The following CNTN4 variants were observed in gnomAD, a reference collection of about 807,000 sequenced individuals.
The protein encoded by CNTN4 is contactin 4.
Under a neutral mutation model 122.5 loss-of-function variants are expected in CNTN4, and 77 were observed. That is an observed-to-expected ratio of 0.63 (90% confidence interval 0.52 to 0.76). The LOEUF (loss-of-function observed/expected upper bound fraction) is 0.76. CNTN4 is among the 30% of genes least tolerant of loss of function. The pLI, the probability that CNTN4 is intolerant of heterozygous loss-of-function variation, is 0.00. For synonymous variants in CNTN4, 512 were observed against 447.0 expected, an observed-to-expected ratio of 1.15 and a Z score of -1.83; for missense variants, 1,256 against 1,259.1, an observed-to-expected ratio of 1.00 and a Z score of 0.04.
chr3:2,507,102 A>G (rs564734679), intron 3 of CNTN4, among the ~76,000 whole-genome samples: 1 of 152,330 alleles, frequency 6.6e-6, no homozygotes, highest in South Asian at 2.1e-4. Flanking sequence ...TACTGCAGCT[A>G]TATGTAGAGC....
intron 13 of CNTN4, among the ~76,000 whole-genome samples, chr3:2,950,053 A>G (rs4684372): frequency 0.25 from 38,793 of 152,228 alleles, 5,487 homozygotes; most frequent in Middle Eastern, 0.42. Context: ...AGATGTTTGC[A>G]TCCAGCTTAA....
chr3:2,838,158 C>T (rs1377634997), intron 7 of CNTN4, among the ~76,000 whole-genome samples: 1 of 152,168 alleles, frequency 6.6e-6, no homozygotes, highest in East Asian at 1.9e-4. Context: ...TGTGACCTCT[C>T]TGGTTTGAAT....
chr3:2,355,244 T>G (rs1477596901), intron 3 of CNTN4, among the ~76,000 whole-genome samples: 1 of 152,200 alleles, frequency 6.6e-6, no homozygotes, highest in Non-Finnish European at 1.5e-5. Flanking sequence ...AGTAAAGAAC[T>G]AGAGATATTT....
intron 6 of CNTN4, among the ~76,000 whole-genome samples, chr3:2,749,140 C>A (rs1254555756): frequency 6.6e-6 from 1 of 151,954 alleles, no homozygotes; most frequent in Admixed American, 6.6e-5. Flanking sequence ...ATAACAGTAT[C>A]TTCTATTTCA....
intron 3 of CNTN4, among the ~76,000 whole-genome samples, chr3:2,347,242 C>G (rs753166568): frequency 6.6e-6 from 1 of 152,046 alleles, no homozygotes; most frequent in African/African-American, 2.4e-5. Context: ...GGAGCTCTGT[C>G]TTGGTGGAGG....
chr3:2,976,690 A>G (rs1203918570), intron 13 of CNTN4, among the ~76,000 whole-genome samples: 1 of 152,214 alleles, frequency 6.6e-6, no homozygotes, highest in Admixed American at 6.5e-5. Flanking sequence ...TGCAATTACC[A>G]CAAAACAATC....
intron 7 of CNTN4, among the ~76,000 whole-genome samples, chr3:2,823,836 G>T (rs1576943318): frequency 6.6e-6 from 1 of 152,242 alleles, no homozygotes; most frequent in South Asian, 2.1e-4. Context: ...ATGTCACCAA[G>T]ATGCTTGCGA....
At chr3:2,217,162 A>G (rs1190444899) in intron 2 of CNTN4, among the ~76,000 whole-genome samples, 1 of 152,070 alleles carries the variant, frequency 6.6e-6, no homozygotes, top group Non-Finnish European at 1.5e-5. Context: ...ACTTTGATTG[A>G]TGCTCCTGGG....
chr3:2,266,523 G>A (rs908977573), intron 2 of CNTN4, among the ~76,000 whole-genome samples: 8 of 151,968 alleles, frequency 5.3e-5, no homozygotes, highest in East Asian at 3.9e-4. Context: ...CCCCCAACAA[G>A]ATGGAGATTT....
intron 14 of CNTN4, among the ~76,000 whole-genome samples, chr3:3,025,312 T>G (rs569141634): frequency 6.6e-6 from 1 of 152,316 alleles, no homozygotes; most frequent in East Asian, 1.9e-4. Context: ...TGATGTTCAT[T>G]ACAGCATTAT....
At chr3:2,707,354 A>G (rs2086803567) in intron 4 of CNTN4, among the ~76,000 whole-genome samples, 1 of 151,990 alleles carries the variant, frequency 6.6e-6, no homozygotes, top group South Asian at 2.1e-4. Context: ...CAATTTGGTA[A>G]ATATCCTTGT....
chr3:2,627,490 C>CTT lies in CNTN4; in HGVS notation c.55+55952_55+55953dup, dbSNP rs869106549. Among the ~76,000 whole-genome samples, 578 of 116,150 alleles carry CTT rather than the reference C, an allele frequency of 5.0e-3. 10 individuals are homozygous for CTT. Among genetic ancestry groups the CTT allele is most frequent in the African/African-American group, 0.012 (367 of 31,368 alleles). The allele number at this position is 116,150 out of a possible 152,430, so 76.2% of individuals were successfully genotyped here. ...CATGAGGGATGTTGCCATTAAGTGT[C>CTT]TTTTTTTTTTTTTTTTTTTTTGAGA... On this transcript the variant is annotated intron_variant, in intron 4 of 24. Transcript: ENST00000418658.
At chr3:2,649,120 C>T (rs890493498) in intron 4 of CNTN4, among the ~76,000 whole-genome samples, 13 of 152,154 alleles carry the variant, frequency 8.5e-5, no homozygotes, top group Admixed American at 7.9e-4. Flanking sequence ...GAAAGAGATG[C>T]CACCTCCTTA....
At chr3:2,124,433 A>AACACACACACACACACAC (rs60760373) in intron 2 of CNTN4, among the ~76,000 whole-genome samples, 17 of 123,894 alleles carry the variant, frequency 1.4e-4, no homozygotes, top group Admixed American at 1.1e-3. Flanking sequence ...ATTTATTTAA[A>AACACACACACACACACAC]ACACACACAC....
chr3:2,783,584 G>C (rs1481356789), intron 6 of CNTN4, among the ~76,000 whole-genome samples: 1 of 152,168 alleles, frequency 6.6e-6, no homozygotes, highest in African/African-American at 2.4e-5. Flanking sequence ...TTCTCAGCAG[G>C]ATCCAGCTTT....
chr3:3,034,095 A>C (rs1018681769), intron 16 of CNTN4, among the ~76,000 whole-genome samples: 1 of 152,236 alleles, frequency 6.6e-6, no homozygotes, highest in Non-Finnish European at 1.5e-5. Flanking sequence ...AGAGAGTGCT[A>C]GTAATTACAG....
Position 2,822,612 on chromosome 3 carries a change from G to A in CNTN4, c.454+3031G>A, listed in dbSNP as rs564451079. Among the ~76,000 whole-genome samples the A allele has an allele frequency of 3.3e-5, 5 of 152,234 alleles. No homozygotes were observed. In the South Asian group the frequency reaches 1.0e-3, roughly 32 times the overall value. On this transcript the variant is annotated intron_variant, in intron 7 of 24. Coordinates refer to ENST00000418658, the MANE Select transcript of CNTN4 (RefSeq NM_175607.3). ...TCATTGCATTAAGTTTTCATCACAT[G>A]GCAGCAACCCTAAAAATTAATCTTG...
chr3:2,980,472 C>T (rs1486462172), intron 13 of CNTN4, among the ~76,000 whole-genome samples: 1 of 152,186 alleles, frequency 6.6e-6, no homozygotes, highest in Non-Finnish European at 1.5e-5. Context: ...AGTTCACTAT[C>T]ACCCTAATAG....
chr3:2,560,186 G>C (rs1482780096), intron 3 of CNTN4, among the ~76,000 whole-genome samples: 1 of 150,256 alleles, frequency 6.7e-6, no homozygotes, highest in Non-Finnish European at 1.5e-5. Context: ...CATCACCCAG[G>C]CTACAGTGCA....
Sources: allele counts gnomAD v4.1 joint callset (sites outside exome capture counted in the v4.1 genomes callset), GRCh38; gene constraint gnomAD v4.1.1; transcripts MANE v1.5; gene names NCBI Gene and HGNC (gene_info 2026-07-23, HGNC 2026-07-21).